Variants in NYAP2 observed in about 807,000 individuals in gnomAD.
The protein encoded by NYAP2 is neuronal tyrosine-phosphorylated phosphoinositide-3-kinase adapter 2.
In NYAP2, 23 loss-of-function variants were observed where a neutral mutation model predicts 50.4. The observed-to-expected ratio is 0.46, with a 90% confidence interval of 0.33 to 0.65. The LOEUF is 0.65. Ranked by LOEUF, NYAP2 falls within the 30% of genes least tolerant of loss-of-function variation. The pLI, the probability that NYAP2 is intolerant of heterozygous loss-of-function variation, is 0.02. For synonymous variants in NYAP2, 394 were observed against 365.2 expected, an observed-to-expected ratio of 1.08 and a Z score of -0.90; for missense variants, 885 against 861.0, an observed-to-expected ratio of 1.03 and a Z score of -0.35.
chr2:225,662,129 T>C, the NYAP2 span, among the ~76,000 whole-genome samples: 2 of 152,244 alleles, frequency 1.3e-5, no homozygotes, highest in African/African-American at 4.8e-5. Flanking sequence ...GAGACTAAAA[T>C]GTCATAGCAG....
At chr2:225,571,802 A>G (rs186082103) in intron 4 of NYAP2, among the ~76,000 whole-genome samples, 229 of 152,358 alleles carry the variant, frequency 1.5e-3, no homozygotes, top group Non-Finnish European at 2.6e-3. Flanking sequence ...AAATTTCTGC[A>G]GCTGCAACAG....
At chr2:225,630,928 T>A (rs951488486) in intron 6 of NYAP2, among the ~76,000 whole-genome samples, 10 of 152,182 alleles carry the variant, frequency 6.6e-5, no homozygotes, top group African/African-American at 2.4e-4. Flanking sequence ...CTCTGGGACA[T>A]CAAATTGAGA....
At chr2:225,698,874 TTTG>T in the NYAP2 span, 1 of 151,568 alleles carries the variant, frequency 6.6e-6, no homozygotes, top group Admixed American at 6.6e-5. Flanking sequence ...TATTAACTGG[TTTG>T]TTATCTCTTT....
At chr2:225,443,235 T>G (rs1689498466) in intron 3 of NYAP2, among the ~76,000 whole-genome samples, 1 of 152,216 alleles carries the variant, frequency 6.6e-6, no homozygotes, top group Admixed American at 6.5e-5. Context: ...TCTGGGCAAA[T>G]TATTACTTTT....
intron 3 of NYAP2, among the ~76,000 whole-genome samples, chr2:225,471,653 TTAGA>T (rs1690013813): frequency 6.6e-6 from 1 of 152,364 alleles, no homozygotes; most frequent in Non-Finnish European, 1.5e-5. Flanking sequence ...GTCGCTGGTC[TTAGA>T]TAAAGTGCTT....
At chr2:225,514,869 T>TTGCC (rs1002435168) in intron 4 of NYAP2, among the ~76,000 whole-genome samples, 2 of 152,164 alleles carry the variant, frequency 1.3e-5, no homozygotes, top group African/African-American at 4.8e-5. Flanking sequence ...CCAAGTATAT[T>TTGCC]TGCCGCAGAG....
intron 5 of NYAP2, among the ~76,000 whole-genome samples, chr2:225,622,555 TTCTTTTTC>T (rs747518087): frequency 0.13 from 4,581 of 36,354 alleles, 114 homozygotes; most frequent in Middle Eastern, 0.18. Flanking sequence ...CTTTCTTTCT[TTCTTTTTC>T]TTTCTTTCTT....
intron 6 of NYAP2, among the ~76,000 whole-genome samples, chr2:225,646,641 T>C (rs1370264151): frequency 6.6e-6 from 1 of 152,214 alleles, no homozygotes; most frequent in Admixed American, 6.5e-5. Context: ...AGTGTATGTA[T>C]GTGTACATTA....
chr2:225,625,397 C>A (rs887396592), intron 5 of NYAP2, among the ~76,000 whole-genome samples: 1 of 152,132 alleles, frequency 6.6e-6, no homozygotes, highest in Non-Finnish European at 1.5e-5. Context: ...AACCTCAATA[C>A]CTGCCTTAAA....
rs115191575 is a variant in NYAP2 at position 225,616,335 on chromosome 2, G to A, written c.1619-10582G>A. On this transcript the variant is annotated intron_variant, in intron 5 of 6. Transcript: ENST00000636099. ...TAATGAAATATAAAAATATGCCCCC[G>A]CTCCTCCATACTCTTTCATGGTGGA... Among the ~76,000 whole-genome samples the A allele has an allele frequency of 2.6e-5, 4 of 152,236 alleles. No individual in the cohort carries two copies. The East Asian group carries it at 7.7e-4, about 29-fold the overall frequency.
chr2:225,660,683 G>A, the NYAP2 span, among the ~76,000 whole-genome samples: 816 of 152,098 alleles, frequency 5.4e-3, 10 homozygotes, highest in African/African-American at 0.019. Context: ...ATCTATACTT[G>A]GCTTTCAAAA....
intron 3 of NYAP2, among the ~76,000 whole-genome samples, chr2:225,509,841 C>T (rs961469191): frequency 9.9e-5 from 15 of 152,132 alleles, no homozygotes; most frequent in African/African-American, 3.6e-4. Context: ...ATCACAGCTG[C>T]CAGGTATTTG....
chr2:225,549,632 T>A (rs559470748), intron 4 of NYAP2, among the ~76,000 whole-genome samples: 15 of 152,286 alleles, frequency 9.8e-5, no homozygotes, highest in Admixed American at 9.8e-4. Flanking sequence ...AAAGATGACA[T>A]TTAGCTATCG....
At chr2:225,642,828 A>C (rs534470275) in intron 6 of NYAP2, among the ~76,000 whole-genome samples, 4 of 152,308 alleles carry the variant, frequency 2.6e-5, no homozygotes, top group Admixed American at 2.6e-4. Flanking sequence ...GAGAAAAATG[A>C]CAGATGACCA....
Position 225,579,040 on chromosome 2 carries a change from A to G in NYAP2, c.524-2901A>G, listed in dbSNP as rs370938618. Among the ~76,000 whole-genome samples the G allele has an allele frequency of 6.6e-5, 10 of 152,186 alleles. No individual in the cohort carries two copies. In the South Asian group the frequency reaches 1.5e-3, roughly 22 times the overall value. On this transcript the variant is annotated intron_variant, in intron 4 of 6. Coordinates refer to ENST00000636099, the Ensembl canonical transcript of NYAP2. ...TCATACGGCATGCACGTGCACGCAC[A>G]CACACGCGCGTGCACACACACACAG...
intron 6 of NYAP2, among the ~76,000 whole-genome samples, chr2:225,634,592 T>C (rs115600871): frequency 6.6e-6 from 1 of 152,216 alleles, no homozygotes; most frequent in Admixed American, 6.5e-5. Context: ...ACACTGTGCT[T>C]GTAAATTCTA....
chr2:225,518,521 AATATATAT>A (rs1172636955), intron 4 of NYAP2, among the ~76,000 whole-genome samples: 2 of 7,902 alleles, frequency 2.5e-4, no homozygotes, highest in African/African-American at 2.2e-3. Flanking sequence ...TATGTGAGCT[AATATATAT>A]ATATATATAT....
chr2:225,619,654 G>T (rs1693054956), intron 5 of NYAP2, among the ~76,000 whole-genome samples: 1 of 152,156 alleles, frequency 6.6e-6, no homozygotes, highest in Non-Finnish European at 1.5e-5. Context: ...AGAAGCCAGA[G>T]AGACAGAAGT....
At chr2:225,479,556 A>T (rs1045935477) in intron 3 of NYAP2, among the ~76,000 whole-genome samples, 2 of 152,194 alleles carry the variant, frequency 1.3e-5, no homozygotes, top group African/African-American at 4.8e-5. Flanking sequence ...ATTGCATGGT[A>T]CCTGTGGTCC....
Sources: allele counts gnomAD v4.1 joint callset (sites outside exome capture counted in the v4.1 genomes callset), GRCh38; gene constraint gnomAD v4.1.1; transcripts MANE v1.5; gene names NCBI Gene and HGNC (gene_info 2026-07-23, HGNC 2026-07-21).